Variants in THSD7A observed in about 807,000 individuals in gnomAD.
The protein encoded by THSD7A is thrombospondin type 1 domain containing 7A.
In THSD7A, 96 loss-of-function variants were observed where a neutral mutation model predicts 231.3. The ratio of observed to expected loss-of-function variants is 0.41; its 90% CI spans 0.35 to 0.49. The LOEUF is 0.49. Among genes scored for constraint, THSD7A ranks in the 20% least tolerant of loss-of-function variants. The probability of loss-of-function intolerance (pLI) is 0.05; values close to 1 mark genes in which losing one functional copy is unlikely to be tolerated. For missense variants in THSD7A, 2,290 were observed against 2,070.2 expected, an observed-to-expected ratio of 1.11 and a Z score of -2.06; for synonymous variants, 940 against 743.3, an observed-to-expected ratio of 1.26 and a Z score of -4.30.
intron 1 of THSD7A, among the ~76,000 whole-genome samples, chr7:11,715,610 T>A (rs1289430891): frequency 6.6e-6 from 1 of 151,460 alleles, no homozygotes; most frequent in African/African-American, 2.4e-5. Flanking sequence ...TTTGTATAGA[T>A]TCTTGTTTAA....
intron 1 of THSD7A, among the ~76,000 whole-genome samples, chr7:11,780,945 T>C (rs1303516991): frequency 2.5e-5 from 3 of 120,318 alleles, no homozygotes; most frequent in East Asian, 2.5e-4. Flanking sequence ...GAGCCGAGAT[T>C]GCGCCACTGC....
rs761900530 is a variant in THSD7A, at chr7:11,469,870, A to T, written c.2368+9T>A. 1.3e-6 allele frequency: 2 copies of T among 1,566,126 alleles called. No homozygotes were observed. Among genetic ancestry groups the T allele is most frequent in the African/African-American group, 2.7e-5 (2 of 74,240 alleles). ...AGGTGAACAGCCTTCCTAACTCTGC[A>T]GACCATACCTTCTTTACACGAAGAG... On this transcript the variant is annotated intron_variant, in intron 9 of 27. Coordinates refer to ENST00000423059, the MANE Select transcript of THSD7A (RefSeq NM_015204.3).
chr7:11,453,328 T>C (rs1410088891), intron 11 of THSD7A, among the ~76,000 whole-genome samples: 2 of 1,194 alleles, frequency 1.7e-3, no homozygotes, highest in African/African-American at 5.4e-3. Flanking sequence ...TCTTTTACCT[T>C]TTTTTTTTTT....
At chr7:11,795,907 C>A (rs1416990742) in intron 1 of THSD7A, among the ~76,000 whole-genome samples, 2 of 151,450 alleles carry the variant, frequency 1.3e-5, no homozygotes, top group African/African-American at 4.8e-5. Flanking sequence ...ATAAAGTCAA[C>A]AAATCAATTA....
chr7:11,669,342 T>C (rs1039225778), intron 1 of THSD7A, among the ~76,000 whole-genome samples: 48 of 152,118 alleles, frequency 3.2e-4, no homozygotes, highest in Non-Finnish European at 3.5e-4. Context: ...AAATCATTAA[T>C]TTAATATATA....
chr7:11,386,092 A>C (rs1354604402), intron 23 of THSD7A, among the ~76,000 whole-genome samples: 1 of 152,180 alleles, frequency 6.6e-6, no homozygotes, highest in Non-Finnish European at 1.5e-5. Context: ...TATATGTGCC[A>C]CATTTTCTTT....
At chr7:11,467,240 A>T (rs899995166) in intron 9 of THSD7A, among the ~76,000 whole-genome samples, 3 of 151,838 alleles carry the variant, frequency 2.0e-5, no homozygotes, top group Non-Finnish European at 4.4e-5. Context: ...GATCTCTTGT[A>T]CCTCCTTTTC....
intron 6 of THSD7A, among the ~76,000 whole-genome samples, chr7:11,507,308 T>C (rs1562667151): frequency 6.6e-6 from 1 of 152,182 alleles, no homozygotes; most frequent in African/African-American, 2.4e-5. Context: ...TAAAGCCTTA[T>C]ATTATGTAGA....
chr7:11,440,796 A>G (rs886660108), intron 13 of THSD7A, among the ~76,000 whole-genome samples: 1 of 152,104 alleles, frequency 6.6e-6, no homozygotes, highest in African/African-American at 2.4e-5. Context: ...AGATGCAGTG[A>G]CAATTGTTGA....
intron 1 of THSD7A, among the ~76,000 whole-genome samples, chr7:11,660,588 T>C (rs1782891349): frequency 6.6e-6 from 1 of 151,442 alleles, no homozygotes; most frequent in African/African-American, 2.4e-5. Flanking sequence ...AGTGATACAT[T>C]ACATTAACAA....
intron 2 of THSD7A, among the ~76,000 whole-genome samples, chr7:11,611,604 T>A (rs573458669): frequency 6.6e-6 from 1 of 152,036 alleles, no homozygotes; most frequent in African/African-American, 2.4e-5. Flanking sequence ...CCAGAAAAGC[T>A]ACTATGAATA....
chr7:11,542,369 T>A (rs1361009926), intron 5 of THSD7A, among the ~76,000 whole-genome samples: 1 of 152,238 alleles, frequency 6.6e-6, no homozygotes, highest in African/African-American at 2.4e-5. Context: ...ATGTTTTCAA[T>A]CATGAGATCA....
chr7:11,540,407 A>C (rs1464680778), intron 6 of THSD7A, among the ~76,000 whole-genome samples: 3 of 152,188 alleles, frequency 2.0e-5, no homozygotes, highest in African/African-American at 4.8e-5. Context: ...GGAGGAAACA[A>C]TTCTGCTTAC....
chr7:11,510,971 T>C (rs984909450), intron 6 of THSD7A, among the ~76,000 whole-genome samples: 2 of 148,514 alleles, frequency 1.3e-5, no homozygotes, highest in African/African-American at 4.9e-5. Flanking sequence ...GGGTATTCAA[T>C]TAGGAAAAGA....
intron 1 of THSD7A, among the ~76,000 whole-genome samples, chr7:11,642,960 C>T (rs1299014953): frequency 2.0e-5 from 3 of 151,990 alleles, no homozygotes; most frequent in African/African-American, 7.2e-5. Context: ...TTTTATATGT[C>T]AAGGGCATGA....
rs1782909548 is a variant in THSD7A at position 11,389,767 on chromosome 7, T to C, written c.4412-7151A>G. Among the ~76,000 whole-genome samples the C allele has an allele frequency of 2.0e-5, 3 of 152,026 alleles. No individual in the cohort carries two copies. The South Asian group carries it at 6.2e-4, about 32-fold the overall frequency. ...TTGTGGTACCAGTTGTTCTTTTCCA[T>C]GTTCAGTGCTTCCTTCAGGAGCTCT... is the stretch of plus-strand genomic sequence containing the variant. On this transcript the variant is annotated intron_variant, in intron 23 of 27. Coordinates refer to ENST00000423059, the MANE Select transcript of THSD7A (RefSeq NM_015204.3).
chr7:11,563,759 T>C (rs534794335), intron 4 of THSD7A, among the ~76,000 whole-genome samples: 5 of 152,322 alleles, frequency 3.3e-5, no homozygotes, highest in African/African-American at 1.2e-4. Flanking sequence ...TCATTTTCTA[T>C]ATCATAATCA....
chr7:11,557,061 C>G (rs940469990), intron 4 of THSD7A, among the ~76,000 whole-genome samples: 3 of 151,560 alleles, frequency 2.0e-5, no homozygotes, highest in Admixed American at 1.3e-4. Context: ...CTTTTAAGCT[C>G]TGCCCTCTTT....
At chr7:11,790,201 A>G (rs996487489) in intron 1 of THSD7A, among the ~76,000 whole-genome samples, 11 of 151,988 alleles carry the variant, frequency 7.2e-5, no homozygotes, top group Non-Finnish European at 1.6e-4. Context: ...AGCTAATGCT[A>G]TATTGTTCAG....
Sources: gnomAD v4.1 joint callset for allele counts (sites outside exome capture counted in the v4.1 genomes callset) on GRCh38, gnomAD v4.1.1 for gene constraint, MANE v1.5 for transcripts, NCBI Gene and HGNC (gene_info 2026-07-23, HGNC 2026-07-21) for gene names.